SMCO2: variants seen among roughly 807,000 people sequenced by gnomAD.
SMCO2 encodes single-pass membrane and coiled-coil domain-containing protein 2.
In SMCO2, 25 loss-of-function variants were observed where a neutral mutation model predicts 29.5. The observed-to-expected ratio is 0.85, with a 90% CI of 0.62 to 1.18. The LOEUF is 1.18. SMCO2 is among the 50% of genes most tolerant of loss of function. The pLI is 0.00. For synonymous variants in SMCO2, 117 were observed against 123.3 expected, an observed-to-expected ratio of 0.95 and a Z score of 0.34; for missense variants, 348 against 344.5, an observed-to-expected ratio of 1.01 and a Z score of -0.08.
intron 4 of SMCO2, chr12:27,475,708 T>G (rs755043535): frequency 1.9e-6 from 3 of 1,548,476 alleles, no homozygotes; most frequent in African/African-American, 1.4e-5. Flanking sequence ...AAAAAATAAA[T>G]GTAACAGAAA....
At chr12:27,436,102 C>T in the SMCO2 span, among the ~76,000 whole-genome samples, 1 of 152,196 alleles carries the variant, frequency 6.6e-6, no homozygotes, top group African/African-American at 2.4e-5. Context: ...AGGTTGCTCT[C>T]TGAGACCCCT....
the SMCO2 span, among the ~76,000 whole-genome samples, chr12:27,431,877 C>T: frequency 1.3e-5 from 2 of 152,062 alleles, no homozygotes; most frequent in Admixed American, 6.6e-5. Context: ...TTGCAATCAC[C>T]AGTGCATAAG....
chr12:27,443,936 T>C, the SMCO2 span, among the ~76,000 whole-genome samples: 2 of 152,170 alleles, frequency 1.3e-5, no homozygotes, highest in African/African-American at 4.8e-5. Flanking sequence ...CCTATCAAAA[T>C]ACCAGTGACA....
At chr12:27,427,931 G>C in the SMCO2 span, among the ~76,000 whole-genome samples, 2 of 152,208 alleles carry the variant, frequency 1.3e-5, no homozygotes, top group Non-Finnish European at 2.9e-5. Context: ...CAGAAGGGTA[G>C]GGAATGGGGA....
intron 7 of SMCO2, among the ~76,000 whole-genome samples, chr12:27,500,450 GGTGAT>G (rs1475695730): frequency 2.0e-5 from 3 of 150,532 alleles, no homozygotes; most frequent in Non-Finnish European, 4.4e-5. Flanking sequence ...GTTATATTTG[GGTGAT>G]GAGATTATAG....
At chr12:27,431,870 C>T in the SMCO2 span, among the ~76,000 whole-genome samples, 2 of 152,112 alleles carry the variant, frequency 1.3e-5, no homozygotes, top group Non-Finnish European at 2.9e-5. Flanking sequence ...TTTTACATTG[C>T]AATCACCAGT....
At chr12:27,423,814 A>G in the SMCO2 span, 6 of 152,194 alleles carry the variant, frequency 3.9e-5, no homozygotes, top group Non-Finnish European at 8.8e-5. Flanking sequence ...GTTTACTTCC[A>G]GCTCTGATTC....
intron 7 of SMCO2, chr12:27,498,110 T>G: frequency 2.9e-6 from 1 of 343,424 alleles, no homozygotes; most frequent in Non-Finnish European, 5.7e-6. Context: ...ATCTGTTGCT[T>G]ATGGCTGTAT....
chr12:27,459,488 A>C, the SMCO2 span, among the ~76,000 whole-genome samples: 1 of 152,154 alleles, frequency 6.6e-6, no homozygotes, highest in South Asian at 2.1e-4. Flanking sequence ...GGATGGGAAG[A>C]AGGTGGGGAT....
chr12:27,496,737 G>T (rs1403186762), intron 7 of SMCO2, among the ~76,000 whole-genome samples: 2 of 150,830 alleles, frequency 1.3e-5, no homozygotes, highest in South Asian at 4.2e-4. Flanking sequence ...GAATTGGGTT[G>T]TTCTTTTATT....
rs1025163231 is a variant in SMCO2 at position 27,499,826 on chromosome 12, C to T, written c.684-2097C>T. Among the ~76,000 whole-genome samples, 4 of 150,410 alleles carry T rather than the reference C, an allele frequency of 2.7e-5. 1 individual carries two copies. Among genetic ancestry groups the T allele is most frequent in the African/African-American group, 1.0e-4 (4 of 40,132 alleles). ...ACACTAACATCTTGAGGAAGTTTGC[C>T]TTATGGATTAATTCAATCATTATGA... On this transcript the variant is annotated intron_variant, in intron 7 of 7. Transcript: ENST00000298876.
At chr12:27,487,753 C>CTTTTTTTTTTTTT (rs143131425) in intron 4 of SMCO2, among the ~76,000 whole-genome samples, 2 of 129,452 alleles carry the variant, frequency 1.5e-5, no homozygotes, top group African/African-American at 2.8e-5. Context: ...TCTTTTCTTT[C>CTTTTTTTTTTTTT]TTTTTTTTTT....
chr12:27,429,752 C>A, the SMCO2 span, among the ~76,000 whole-genome samples: 3 of 152,142 alleles, frequency 2.0e-5, no homozygotes, highest in Admixed American at 6.5e-5. Context: ...TGCTGTACAC[C>A]TCTCTCCTGT....
At chr12:27,461,918 A>G (rs1949461832), upstream of SMCO2, among the ~76,000 whole-genome samples, 1 of 152,218 alleles carries the variant, frequency 6.6e-6, no homozygotes, top group South Asian at 2.1e-4. Flanking sequence ...TCTTTCCATA[A>G]TGGTTTCTCT....
chr12:27,453,165 T>G, the SMCO2 span, among the ~76,000 whole-genome samples: 1 of 152,224 alleles, frequency 6.6e-6, no homozygotes, highest in African/African-American at 2.4e-5. Flanking sequence ...ACAAGGTCCC[T>G]GGCCATGATA....
At chr12:27,447,337 T>C in the SMCO2 span, among the ~76,000 whole-genome samples, 21 of 152,242 alleles carry the variant, frequency 1.4e-4, no homozygotes, top group African/African-American at 5.1e-4. Context: ...TTCTGCATCT[T>C]TACTGGGGAA....
chr12:27,501,920 T>C lies in SMCO2; in HGVS notation c.684-3T>C. ...TTAACACAGATGTTTTCTCTCTTTG[T>C]AGGAAACGTGCACTGAGGATTTTCA... On this transcript the variant is annotated splice_region_variant and splice_polypyrimidine_tract_variant and intron_variant, in intron 7 of 7. Transcript: ENST00000298876. 6.6e-7 allele frequency: 1 copy of C among 1,524,066 alleles called. No homozygotes were observed. Among genetic ancestry groups the C allele is most frequent in the Non-Finnish European group, 8.8e-7 (1 of 1,135,234 alleles). The allele number at this position is 1,524,066 out of a possible 1,614,324, so 94.4% of individuals were successfully genotyped here. A position where few individuals can be genotyped will look rare whatever the true frequency, so the allele number is the denominator to read the frequency against.
chr12:27,437,781 A>C, the SMCO2 span, among the ~76,000 whole-genome samples: 1 of 152,206 alleles, frequency 6.6e-6, no homozygotes. Context: ...AATATGGAAG[A>C]GAGCTCCTTT....
At chr12:27,441,173 C>T in the SMCO2 span, among the ~76,000 whole-genome samples, 3 of 152,144 alleles carry the variant, frequency 2.0e-5, no homozygotes, top group South Asian at 2.1e-4. Context: ...ATTGGAGAAT[C>T]GCCTGAGCCC....
Sources: allele counts gnomAD v4.1 joint callset (sites outside exome capture counted in the v4.1 genomes callset), GRCh38; gene constraint gnomAD v4.1.1; transcripts MANE v1.5; gene names NCBI Gene and HGNC (gene_info 2026-07-23, HGNC 2026-07-21).